ELOVL7: variants seen among roughly 807,000 people sequenced by gnomAD.
The protein encoded by ELOVL7 is ELOVL fatty acid elongase 7.
ELOVL7 carries 27 observed loss-of-function variants against 35.7 expected under a neutral mutation model. The observed-to-expected ratio is 0.76, with a 90% CI of 0.56 to 1.04. ELOVL7 has a LOEUF of 1.04. Ranked by LOEUF, ELOVL7 falls within the 50% of genes least tolerant of loss-of-function variation. ELOVL7 has a pLI of 0.00. For missense variants in ELOVL7, 327 were observed against 340.8 expected (o/e 0.96, Z 0.32); for synonymous variants, 113 against 114.6 (o/e 0.99, Z 0.09).
intron 2 of ELOVL7, among the ~76,000 whole-genome samples, chr5:60,795,733 G>A (rs1023797514): frequency 6.6e-6 from 1 of 152,140 alleles, no homozygotes; most frequent in Non-Finnish European, 1.5e-5. Flanking sequence ...ACTCCCAATC[G>A]GGCTAGAGGC....
Position 60,756,890 on chromosome 5 carries a change from G to C in ELOVL7, c.636+619C>G, listed in dbSNP as rs1358634384. ...CAAATCATCATCTCAAACCCATAAT[G>C]AGTCTCCAAAAAAATTAAATATCAT... On this transcript the variant is annotated intron_variant, in intron 8 of 8. Coordinates refer to ENST00000508821, the MANE Select transcript of ELOVL7 (RefSeq NM_024930.3). Among the ~76,000 whole-genome samples the C allele has an allele frequency of 5.3e-5, 8 of 152,032 alleles. No individual in the cohort carries two copies. The East Asian group carries it at 1.5e-3, about 29-fold the overall frequency.
In ELOVL7 at chr5:60,800,226, A is replaced by G. The variant is rs1031670377; in HGVS notation, c.-85-996T>C. Among the ~76,000 whole-genome samples the G allele has an allele frequency of 3.3e-5, 5 of 152,258 alleles. No homozygotes were observed. The South Asian group carries it at 1.0e-3, about 32-fold the overall frequency. On this transcript the variant is annotated intron_variant, in intron 1 of 8. Transcript: ENST00000508821. ...ACCCTTGATGAACATACTGGCAAAAATCCTCAAGATAATACAAGCAAATCA... is the reference window on the plus strand; with the variant it reads ...ACCCTTGATGAACATACTGGCAAAAGTCCTCAAGATAATACAAGCAAATCA...
Position 60,834,684 on chromosome 5 carries a change from A to C in ELOVL7, c.-86+9476T>G, listed in dbSNP as rs143458330. Among the ~76,000 whole-genome samples, 4 of 152,256 alleles carry C rather than the reference A, an allele frequency of 2.6e-5. No individual in the cohort carries two copies. The East Asian group carries it at 7.7e-4, about 29-fold the overall frequency. ...AAGTATGAGTTGATTATATACCATT[A>C]GTATGGAATGCTAAGTGAAGGTTCT... On this transcript the variant is annotated intron_variant, in intron 1 of 8. Transcript: ENST00000508821.
At position 60,764,328 on chromosome 5, in the gene ELOVL7, A is replaced by C. The variant is rs887878720; in HGVS notation, c.398T>G (p.Phe133Cys). The change falls in exon 7 of 9, where the codon TTT becomes TGT. Residue 133 changes from phenylalanine (F) to cysteine (C), a missense_variant. Coordinates refer to ENST00000508821, the MANE Select transcript of ELOVL7 (RefSeq NM_024930.3). ...GCTATTTTTCTTGCGCAGAACAAAA[A>C]AGATCTGAAATAATTTAAAGAATAT... ...SKFIELLDTI[F>C]FVLRKKNSQV... 3.1e-6 allele frequency: 5 copies of C among 1,603,178 alleles called. No homozygotes were observed. In the African/African-American group the frequency reaches 6.7e-5, roughly 21 times the overall value.
rs991132619 is a variant in ELOVL7, at chr5:60,832,652, T to A, written c.-86+11508A>T. Among the ~76,000 whole-genome samples the A allele has an allele frequency of 2.6e-5, 4 of 152,166 alleles. No individual in the cohort carries two copies. In the East Asian group the frequency reaches 7.7e-4, roughly 29 times the overall value. ...GTGCTGGGATTACAGGCGTGCGCCA[T>A]CGCGCCCAGCCGGAATTTTTTTTTT... On this transcript the variant is annotated intron_variant, in intron 1 of 8. Transcript: ENST00000508821.
Position 60,772,071 on chromosome 5 carries a change from G to A in ELOVL7, c.87C>T (p.Leu29=), listed in dbSNP as rs779425961. The A allele has an allele frequency of 3.7e-6, 6 of 1,609,872 alleles. No individual in the cohort carries two copies. In the African/African-American group the frequency reaches 4.0e-5, roughly 11 times the overall value. ...KDADPRVEDW[L]LMSSPLPQTI... is the part of the protein sequence containing the mutation. ...TTTGTGGCAGAGGCGAGGACATGAGGAGCCAATCTTCAACTCTTGGATCTA... is the reference window on the plus strand; with the variant it reads ...TTTGTGGCAGAGGCGAGGACATGAGAAGCCAATCTTCAACTCTTGGATCTA... The change falls in exon 4 of 9, where the codon CTC becomes CTT. Residue 29 remains leucine (L), a synonymous_variant. Transcript: ENST00000508821.
At chr5:60,824,236 AAG>A (rs1218850236) in intron 1 of ELOVL7, among the ~76,000 whole-genome samples, 1 of 152,212 alleles carries the variant, frequency 6.6e-6, no homozygotes, top group Non-Finnish European at 1.5e-5. Flanking sequence ...AAGGAGGTAT[AAG>A]AGAGCTGAAC....
intron 7 of ELOVL7, among the ~76,000 whole-genome samples, chr5:60,758,477 C>T (rs1235707839): frequency 6.6e-6 from 1 of 152,160 alleles, no homozygotes; most frequent in African/African-American, 2.4e-5. Context: ...TAGCAAACTG[C>T]TGAATTTAAT....
intron 1 of ELOVL7, among the ~76,000 whole-genome samples, chr5:60,815,858 T>C (rs1270196295): frequency 1.2e-4 from 18 of 152,192 alleles, no homozygotes. Context: ...AGTAGAGTTA[T>C]GATGTAGCTC....
chr5:60,810,633 T>G (rs1745189292), intron 1 of ELOVL7, among the ~76,000 whole-genome samples: 1 of 152,204 alleles, frequency 6.6e-6, no homozygotes, highest in East Asian at 1.9e-4. Context: ...GCAGGTCAGT[T>G]TTTCAGGGCT....
chr5:60,765,018 G>A (rs550028930), intron 6 of ELOVL7, among the ~76,000 whole-genome samples: 7 of 152,218 alleles, frequency 4.6e-5, no homozygotes, highest in South Asian at 2.1e-4. Context: ...TTAAGAATAC[G>A]AGTGTTAAGA....
chr5:60,771,922 G>C lies in ELOVL7; in HGVS notation c.236C>G (p.Ser79Cys), dbSNP rs368309905. ...ACTTGCCTCATAACACATATACACAGAAAAGAGTACTATGAAAAAATTGTA... is the reference window on the plus strand; with the variant it reads ...ACTTGCCTCATAACACATATACACACAAAAGAGTACTATGAAAAAATTGTA... ...ITYNFFIVLF[S>C]VYMCYEFVMS... Residue 79 changes from serine to cysteine, a missense_variant, in exon 4 of 9, where the codon TCT becomes TGT. Transcript: ENST00000508821. The C allele has an allele frequency of 6.2e-7, 1 of 1,611,842 alleles. No individual in the cohort carries two copies. The highest frequency in any genetic ancestry group is 8.5e-7 in the Non-Finnish European group (1 of 1,178,946).
intron 1 of ELOVL7, among the ~76,000 whole-genome samples, chr5:60,828,439 A>G (rs903397743): frequency 6.6e-6 from 1 of 152,192 alleles, no homozygotes; most frequent in Non-Finnish European, 1.5e-5. Context: ...TTAACAAAAC[A>G]TATACCTAAC....
rs970380501 is a variant in ELOVL7 at position 60,755,859 on chromosome 5, G to A, written c.637-1026C>T. ...ATTAAAAAGCAATATGTGTTCTGTG[G>A]AAATCTTAGAAAAGTAAAACTCTAT... is the stretch of plus-strand genomic sequence containing the variant. On this transcript the variant is annotated intron_variant, in intron 8 of 8. Transcript: ENST00000508821. 8.5e-5 allele frequency among the ~76,000 whole-genome samples: 13 copies of A among 152,126 alleles called. 1 individual carries two copies. Among genetic ancestry groups the A allele is most frequent in the Admixed American group, 2.6e-4 (4 of 15,274 alleles).
intron 4 of ELOVL7, among the ~76,000 whole-genome samples, chr5:60,769,093 A>G (rs2112168544): frequency 6.6e-6 from 1 of 152,260 alleles, no homozygotes; most frequent in East Asian, 1.9e-4. Flanking sequence ...CACACTGTTA[A>G]CTTGGTAAGT....
chr5:60,777,320 C>G (rs1377697630), intron 3 of ELOVL7, among the ~76,000 whole-genome samples: 1 of 151,810 alleles, frequency 6.6e-6, no homozygotes, highest in Non-Finnish European at 1.5e-5. Flanking sequence ...ATATTGCATG[C>G]CTGTATCAAA....
intron 6 of ELOVL7, among the ~76,000 whole-genome samples, chr5:60,764,640 A>G (rs970140459): frequency 3.4e-5 from 5 of 147,620 alleles, no homozygotes; most frequent in Non-Finnish European, 7.5e-5. Context: ...AAGAAATTGT[A>G]TTGATAAAAA....
At chr5:60,771,544 T>C (rs1193017920) in intron 4 of ELOVL7, among the ~76,000 whole-genome samples, 1 of 152,224 alleles carries the variant, frequency 6.6e-6, no homozygotes, top group Non-Finnish European at 1.5e-5. Context: ...TGAACTCTGA[T>C]GTCAGACAGA....
At chr5:60,776,609 G>A (rs1290355828) in intron 3 of ELOVL7, among the ~76,000 whole-genome samples, 1 of 152,126 alleles carries the variant, frequency 6.6e-6, no homozygotes, top group Admixed American at 6.6e-5. Flanking sequence ...CTAAGCAAAT[G>A]AACACAGAAA....
Sources: allele counts gnomAD v4.1 joint callset (sites outside exome capture counted in the v4.1 genomes callset), GRCh38; gene constraint gnomAD v4.1.1; transcripts MANE v1.5; gene names NCBI Gene and HGNC (gene_info 2026-07-23, HGNC 2026-07-21).